The following UBQLN4 variants were observed in gnomAD, a reference collection of about 807,000 sequenced individuals.
The protein encoded by UBQLN4 is ubiquilin 4.
A neutral mutation model predicts 60.4 loss-of-function variants in UBQLN4; 11 were observed. The ratio of observed to expected loss-of-function variants is 0.18; its 90% CI spans 0.11 to 0.30. The LOEUF (loss-of-function observed/expected upper bound fraction) is 0.30. UBQLN4 is among the 10% of genes least tolerant of loss of function. The pLI is 1.00. For synonymous variants in UBQLN4, 258 were observed against 313.1 expected, an observed-to-expected ratio of 0.82 and a Z score of 1.86; for missense variants, 417 against 795.5, an observed-to-expected ratio of 0.52 and a Z score of 5.72.
At chr1:156,051,069 C>G (rs748892583) in intron 3 of UBQLN4, 41 bp downstream of exon 3, 29 of 1,592,572 alleles carry the variant, frequency 1.8e-5, no homozygotes, top group Non-Finnish European at 2.4e-5. Flanking sequence ...CCCAACTCCC[C>G]AACCCCAAAC....
At chr1:156,044,533 A>G (rs1572274992) in intron 5 of UBQLN4, among the ~76,000 whole-genome samples, 2 of 152,054 alleles carry the variant, frequency 1.3e-5, no homozygotes, top group East Asian at 3.8e-4. Flanking sequence ...CGCACTTTAC[A>G]CACAGTTTTC....
In UBQLN4 at chr1:156,037,230, CAG is replaced by C. The variant is rs1468041179; in HGVS notation, c.1654-102_1654-101del. ...ACCAGCAGGTCTTCTCTAATATCCT[CAG>C]AGTCAATCAGGAGGGCAGGGAAGAT... is the stretch of plus-strand genomic sequence containing the variant. On this transcript the variant is annotated intron_variant, in intron 10 of 10. Transcript: ENST00000368309. The C allele has an allele frequency of 9.1e-6, 13 of 1,428,780 alleles. No homozygotes were observed. The African/African-American group carries it at 1.9e-4, about 20-fold the overall frequency. The allele number at this position is 1,428,780 out of a possible 1,614,324, so 88.5% of individuals were successfully genotyped here.
chr1:156,053,564 G>A, intron 1 of UBQLN4, 30 bp downstream of exon 1: 2 of 1,203,150 alleles, frequency 1.7e-6, no homozygotes, highest in Non-Finnish European at 1.1e-6. Flanking sequence ...CCTCCTCCGC[G>A]CTCCCCCCGC....
At chr1:156,051,953 C>T in intron 1 of UBQLN4, 96 bp from the exon 2 acceptor site, 2 of 1,494,208 alleles carry the variant, frequency 1.3e-6, no homozygotes, top group South Asian at 1.2e-5. Context: ...CTCTCTTGCT[C>T]TCATCTCTAG....
In UBQLN4 at chr1:156,051,823, T is replaced by C; in HGVS notation, c.143A>G (p.Gln48Arg). Residue 48 changes from glutamine to arginine, a missense_variant, in exon 2 of 11, where the codon CAG becomes CGG. Gln to Arg is a conservative substitution (Grantham distance 43). Coordinates refer to ENST00000368309, the MANE Select transcript of UBQLN4 (RefSeq NM_020131.5). ...KEEISRRFKA[Q>R]QDQLVLIFAG... ...GAAGATCAGGACCAGCTGATCCTGC[T>C]GAGCCTTAAACCTCCGGGAGATTTC... is the stretch of plus-strand genomic sequence containing the variant. The C allele has an allele frequency of 6.2e-7, 1 of 1,614,218 alleles. No homozygotes were observed. The highest frequency in any genetic ancestry group is 8.5e-7 in the Non-Finnish European group (1 of 1,180,032).
In UBQLN4 at chr1:156,036,063, G is replaced by A. The variant is rs1313506952; in HGVS notation, c.*915C>T. 3.2e-5 allele frequency: 32 copies of A among 985,456 alleles called. No homozygotes were observed. Among genetic ancestry groups the A allele is most frequent in the Non-Finnish European group, 3.9e-5 (32 of 829,948 alleles). The allele number at this position is 985,456 out of a possible 1,614,324, so 61.0% of individuals were successfully genotyped here. On this transcript the variant is annotated 3_prime_UTR_variant, in exon 11 of 11. Transcript: ENST00000368309. ...TGTGCATATAAGCACATATGCTTGA[G>A]GAACTAAAGCCAATATGACCCCTTG...
chr1:156,031,541 A>G (rs181507254), downstream of UBQLN4, among the ~76,000 whole-genome samples: 3 of 149,802 alleles, frequency 2.0e-5, no homozygotes, highest in East Asian at 3.9e-4. Context: ...TTCAATACTC[A>G]TATGCTCTTA....
chr1:156,050,214 A>T lies in UBQLN4; in HGVS notation c.741+77T>A. On this transcript the variant is annotated intron_variant, in intron 4 of 10. Transcript: ENST00000368309. The surrounding 1 kb of genome is among the most constrained non-coding windows in gnomAD (Gnocchi z 4.6). ...AATACACGAATGAACAAATCAATGTAGGACAAAGTAGGAAAGGCTGGGCAG... is the reference window on the plus strand; with the variant it reads ...AATACACGAATGAACAAATCAATGTTGGACAAAGTAGGAAAGGCTGGGCAG... 1.3e-6 allele frequency: 2 copies of T among 1,494,834 alleles called. No homozygotes were observed. The highest frequency in any genetic ancestry group is 1.8e-6 in the Non-Finnish European group (2 of 1,118,750). 92.6% of individuals were successfully genotyped at this position (1,494,834 alleles called of 1,614,324 possible). A position where few individuals can be genotyped will look rare whatever the true frequency, so the allele number is the denominator to read the frequency against.
chr1:156,043,385 C>T (rs997937027), intron 6 of UBQLN4, among the ~76,000 whole-genome samples: 1 of 152,118 alleles, frequency 6.6e-6, no homozygotes, highest in Non-Finnish European at 1.5e-5. Flanking sequence ...AGATGAAGAC[C>T]TTTCCAGGAT....
intron 2 of UBQLN4, 90 bp from the exon 3 acceptor site, chr1:156,051,417 A>G: frequency 6.8e-7 from 1 of 1,476,040 alleles, no homozygotes; most frequent in Non-Finnish European, 9.3e-7. Context: ...TGGGACAACT[A>G]TTTTAACCCA....
At chr1:156,041,693 A>C in intron 9 of UBQLN4, 22 bp from the exon 10 acceptor site, 2 of 1,496,220 alleles carry the variant, frequency 1.3e-6, no homozygotes, top group Non-Finnish European at 8.9e-7. Flanking sequence ...AGAGACCAAG[A>C]GGTAGGAGAT....
In UBQLN4 at chr1:156,053,523, G is replaced by C. The variant is rs528173182; in HGVS notation, c.108+71C>G. ...CCGGGGCCCTCCGGGACGCCGGACC[G>C]TCAGAGAGGCCCCCCATCTCTTCGC... On this transcript the variant is annotated intron_variant, in intron 1 of 10. Coordinates refer to ENST00000368309, the MANE Select transcript of UBQLN4 (RefSeq NM_020131.5). The C allele has an allele frequency of 2.8e-6, 3 of 1,067,854 alleles. No homozygotes were observed. In the South Asian group the frequency reaches 1.3e-4, roughly 46 times the overall value. 66.1% of individuals were successfully genotyped at this position (1,067,854 alleles called of 1,614,324 possible).
chr1:156,037,161 C>T, intron 10 of UBQLN4, 31 bp from the exon 11 acceptor site: 1 of 1,605,402 alleles, frequency 6.2e-7, no homozygotes, highest in Non-Finnish European at 8.5e-7. Context: ...GAAGTGGGCA[C>T]AGGACCAATC....
chr1:156,053,734 G>A lies in UBQLN4; in HGVS notation c.-33C>T. On this transcript the variant is annotated 5_prime_UTR_variant, in exon 1 of 11. Coordinates refer to ENST00000368309, the MANE Select transcript of UBQLN4 (RefSeq NM_020131.5). ...CCGCCACCCGGCCGCCCGCCAGCCCGCCCGGCTCCTCCTCCTCCCCGCCCG... is the reference window on the plus strand; with the variant it reads ...CCGCCACCCGGCCGCCCGCCAGCCCACCCGGCTCCTCCTCCTCCCCGCCCG... The A allele has an allele frequency of 2.1e-5, 25 of 1,215,838 alleles. No homozygotes were observed. The highest frequency in any genetic ancestry group is 2.6e-5 in the Non-Finnish European group (25 of 960,646). 75.3% of individuals were successfully genotyped at this position (1,215,838 alleles called of 1,614,324 possible).
At chr1:156,037,213 G>C (rs760112214) in intron 10 of UBQLN4, 83 bp from the exon 11 acceptor site, 4 of 1,527,388 alleles carry the variant, frequency 2.6e-6, no homozygotes, top group Non-Finnish European at 3.5e-6. Context: ...AGACCAGCAG[G>C]TCTTCTCTAA....
downstream of UBQLN4, among the ~76,000 whole-genome samples, chr1:156,032,801 A>G (rs1484304144): frequency 6.6e-6 from 1 of 152,140 alleles, no homozygotes; most frequent in African/African-American, 2.4e-5. Context: ...AGCATGCTTC[A>G]TTCCTTGCTC....
downstream of UBQLN4, among the ~76,000 whole-genome samples, chr1:156,034,613 C>T (rs1383105247): frequency 6.6e-6 from 1 of 150,926 alleles, no homozygotes; most frequent in Non-Finnish European, 1.5e-5. Flanking sequence ...ACTTTTTAAC[C>T]TAAGGTAAGG....
intron 4 of UBQLN4, among the ~76,000 whole-genome samples, chr1:156,049,975 G>C (rs185127551): frequency 5.9e-5 from 9 of 152,212 alleles, no homozygotes; most frequent in Non-Finnish European, 1.0e-4. Context: ...GTCTCAGCTC[G>C]GTGACATTTC....
rs529174636 is a variant in UBQLN4, at chr1:156,050,731, T to A, written c.479-178A>T. Among the ~76,000 whole-genome samples the A allele has an allele frequency of 1.3e-5, 2 of 152,322 alleles. No individual in the cohort carries two copies. The highest frequency in any genetic ancestry group is 4.1e-4 in the South Asian group (2 of 4,824). On this transcript the variant is annotated intron_variant, in intron 3 of 10. Coordinates refer to ENST00000368309, the MANE Select transcript of UBQLN4 (RefSeq NM_020131.5). This position sits in a 1 kb window ranked among gnomAD's most constrained non-coding sequence, Gnocchi z 4.6. The stretch of plus-strand genomic sequence containing the variant: ...GCAAAAAAATGTGAGCCTACTAGAC[T>A]GAGGCTGTGCCAAACATAGAACTGA...
Sources: gnomAD v4.1 joint callset for allele counts (sites outside exome capture counted in the v4.1 genomes callset) on GRCh38, gnomAD v4.1.1 for gene constraint, Gnocchi (gnomAD v3.1) non-coding constraint, MANE v1.5 for transcripts, NCBI Gene and HGNC (gene_info 2026-07-23, HGNC 2026-07-21) for gene names.